LMLN: variants seen among roughly 807,000 people sequenced by gnomAD.
LMLN encodes the protein leishmanolysin-like peptidase.
LMLN carries 70 observed loss-of-function variants against 92.3 expected under a neutral mutation model. The observed-to-expected ratio is 0.76, with a 90% CI of 0.63 to 0.92. The LOEUF is 0.92. LMLN is among the 40% of genes least tolerant of loss of function. The pLI is 0.00. For synonymous variants in LMLN, 308 were observed against 296.2 expected (o/e 1.04, Z -0.41); for missense variants, 691 against 814.6 (o/e 0.85, Z 1.85).
intron 1 of LMLN, among the ~76,000 whole-genome samples, chr3:197,969,275 A>AT (rs201586938): frequency 0.01 from 1,499 of 147,628 alleles, 28 homozygotes; most frequent in African/African-American, 0.034. Flanking sequence ...TAATATATAT[A>AT]TATTTTTTTT....
At chr3:198,033,443 G>T (rs1723129312) in intron 14 of LMLN, among the ~76,000 whole-genome samples, 1 of 150,658 alleles carries the variant, frequency 6.6e-6, no homozygotes, top group South Asian at 2.1e-4. Context: ...TTGAGATGGA[G>T]TCTCACTCTG....
At chr3:197,999,406 A>G (rs1407556044) in intron 11 of LMLN, 64 bp downstream of exon 11, 7 of 1,133,196 alleles carry the variant, frequency 6.2e-6, no homozygotes, top group Non-Finnish European at 9.3e-6. Context: ...CTGAGCTTAT[A>G]GCTTAAGAAA....
chr3:198,029,731 C>T (rs13074721), intron 14 of LMLN, among the ~76,000 whole-genome samples: 3 of 152,118 alleles, frequency 2.0e-5, no homozygotes, highest in African/African-American at 4.8e-5. Context: ...TATTACTTCC[C>T]TAATGTTTAT....
chr3:197,979,346 T>A (rs968877913), intron 5 of LMLN, among the ~76,000 whole-genome samples: 6 of 152,140 alleles, frequency 3.9e-5, no homozygotes, highest in African/African-American at 1.4e-4. Context: ...CTGATAGAAG[T>A]AGCTTTCAAA....
At chr3:197,983,884 A>G in intron 6 of LMLN, 59 bp from the exon 7 acceptor site, 2 of 1,146,922 alleles carry the variant, frequency 1.7e-6, no homozygotes, top group East Asian at 4.7e-5. Flanking sequence ...ATGGAGAAGT[A>G]AATGTTAATA....
chr3:198,020,832 G>A lies in LMLN; in HGVS notation c.1366-614G>A, dbSNP rs368113187. ...GACGGGGTTTCACTATATGTTGGCC[G>A]GGCTGGTCTTGAACTCCTGACCTCA... On this transcript the variant is annotated intron_variant, in intron 12 of 15. Transcript: ENST00000330198. 3.4e-4 allele frequency among the ~76,000 whole-genome samples: 42 copies of A among 125,256 alleles called. No homozygotes were observed. In the East Asian group the frequency reaches 5.3e-3, roughly 16 times the overall value. 82.2% of individuals were successfully genotyped at this position (125,256 alleles called of 152,430 possible). A position where few individuals can be genotyped will look rare whatever the true frequency, so the allele number is the denominator to read the frequency against.
At chr3:197,974,319 A>G (rs1202213107) in intron 1 of LMLN, 58 bp from the exon 2 acceptor site, 3 of 841,934 alleles carry the variant, frequency 3.6e-6, no homozygotes, top group African/African-American at 1.8e-5. Context: ...TTAAGTTTGG[A>G]TTGCAGTGGG....
intron 1 of LMLN, among the ~76,000 whole-genome samples, chr3:197,970,000 A>G (rs915080157): frequency 2.2e-4 from 34 of 151,910 alleles, no homozygotes; most frequent in African/African-American, 8.0e-4. Flanking sequence ...AAAAGTACAA[A>G]AATTAGCTGG....
chr3:197,987,558 C>G (rs1207147660), intron 8 of LMLN, among the ~76,000 whole-genome samples: 1 of 151,962 alleles, frequency 6.6e-6, no homozygotes, highest in Non-Finnish European at 1.5e-5. Context: ...TAGAAGTAGT[C>G]TAGGGAATAA....
At chr3:198,002,176 A>G (rs758023094) in intron 11 of LMLN, among the ~76,000 whole-genome samples, 6 of 151,982 alleles carry the variant, frequency 3.9e-5, no homozygotes, top group African/African-American at 7.2e-5. Flanking sequence ...TTTTGAGACA[A>G]GGTCTCACTC....
chr3:198,033,402 A>C (rs1723127481), intron 14 of LMLN, among the ~76,000 whole-genome samples: 1 of 111,898 alleles, frequency 8.9e-6, no homozygotes, highest in South Asian at 2.4e-4. Context: ...TATTTTATAA[A>C]AAAAATTATT....
chr3:198,029,965 C>T (rs1723035066), intron 14 of LMLN, among the ~76,000 whole-genome samples: 1 of 152,026 alleles, frequency 6.6e-6, no homozygotes, highest in African/African-American at 2.4e-5. Flanking sequence ...GCCTCAGCCT[C>T]CCAAGTAGCT....
chr3:198,013,004 G>A (rs1314754434), intron 11 of LMLN, among the ~76,000 whole-genome samples: 2 of 119,968 alleles, frequency 1.7e-5, no homozygotes, highest in Non-Finnish European at 3.3e-5. Context: ...CCCCTAACTA[G>A]TCTGACTTCT....
At chr3:198,040,089 T>C (rs552302121) in exon 16 of LMLN, 57 of 152,376 alleles carry the variant, frequency 3.7e-4, no homozygotes, top group African/African-American at 1.4e-3. Flanking sequence ...ATGCAGTTTT[T>C]TAAAATGGGT....
chr3:198,011,262 A>G (rs1722429426), intron 11 of LMLN, among the ~76,000 whole-genome samples: 1 of 149,230 alleles, frequency 6.7e-6, no homozygotes, highest in Non-Finnish European at 1.5e-5. Flanking sequence ...TCCTAATGCT[A>G]TCCCTCCTCA....
chr3:198,020,638 G>A (rs1448803126), intron 12 of LMLN, among the ~76,000 whole-genome samples: 1 of 151,904 alleles, frequency 6.6e-6, no homozygotes, highest in African/African-American at 2.4e-5. Context: ...TGTGTCACCA[G>A]GCTGGAGTGC....
chr3:197,991,079 A>C (rs1278242949), intron 9 of LMLN, among the ~76,000 whole-genome samples: 1 of 151,566 alleles, frequency 6.6e-6, no homozygotes, highest in Non-Finnish European at 1.5e-5. Context: ...GGGGAGGAAG[A>C]GATTTCTTTT....
chr3:198,033,129 A>G (rs939432994), intron 14 of LMLN, among the ~76,000 whole-genome samples: 4 of 152,128 alleles, frequency 2.6e-5, no homozygotes, highest in East Asian at 1.9e-4. Context: ...GAATACTTCA[A>G]CTTCAGCAAG....
exon 16 of LMLN, chr3:198,039,947 T>C (rs868640930): frequency 3.9e-5 from 6 of 152,196 alleles, no homozygotes; most frequent in Admixed American, 6.5e-5. Context: ...TGTAAAAACA[T>C]GGAAGACATG....
Sources: allele counts gnomAD v4.1 joint callset (sites outside exome capture counted in the v4.1 genomes callset), GRCh38; gene constraint gnomAD v4.1.1; transcripts MANE v1.5; gene names NCBI Gene and HGNC (gene_info 2026-07-23, HGNC 2026-07-21).